The following R3HDM2 variants were observed in gnomAD, a reference collection of about 807,000 sequenced individuals.
The protein encoded by R3HDM2 is R3H domain containing 2.
Under a neutral mutation model 124.5 loss-of-function variants are expected in R3HDM2, and 38 were observed. The ratio of observed to expected loss-of-function variants is 0.31; its 90% confidence interval spans 0.24 to 0.40. The LOEUF is 0.40. R3HDM2 is among the 10% of genes least tolerant of loss of function. The probability of loss-of-function intolerance (pLI) is 1.00; values close to 1 mark genes in which losing one functional copy is unlikely to be tolerated. For missense variants in R3HDM2, 869 were observed against 1,236.9 expected (o/e 0.70, Z 4.46); for synonymous variants, 391 against 448.0 (o/e 0.87, Z 1.61).
At chr12:57,276,897 A>G (rs2044907281) in intron 14 of R3HDM2, among the ~76,000 whole-genome samples, 1 of 151,976 alleles carries the variant, frequency 6.6e-6, no homozygotes, top group Non-Finnish European at 1.5e-5. Context: ...AAAAGAAAAA[A>G]AAAAAGAATG....
chr12:57,272,902 G>T (rs549081391), intron 14 of R3HDM2, among the ~76,000 whole-genome samples: 14 of 152,262 alleles, frequency 9.2e-5, no homozygotes, highest in Non-Finnish European at 1.8e-4. Context: ...TCCAAATACA[G>T]CTTTTCCCAA....
chr12:57,414,080 C>T (rs1317233508), intron 1 of R3HDM2, among the ~76,000 whole-genome samples: 1 of 151,262 alleles, frequency 6.6e-6, no homozygotes, highest in Non-Finnish European at 1.5e-5. Flanking sequence ...AACTCCTGAC[C>T]TCAAATGATC....
intron 18 of R3HDM2, chr12:57,268,078 T>G: frequency 2.7e-6 from 1 of 366,422 alleles, no homozygotes; most frequent in Non-Finnish European, 4.8e-6. Context: ...AAATCATAAA[T>G]TATAAGTCTC....
Position 57,268,657 on chromosome 12 carries a change from T to C in R3HDM2, c.1876-200A>G. On this transcript the variant is annotated intron_variant, in intron 17 of 23. Transcript: ENST00000402412. The stretch of plus-strand genomic sequence containing the variant: ...CTTCTTCAAATACCACCCTTGGGCA[T>C]CTGACATAAAGAAAGGAGCCTGATT... 10 of 705,666 alleles carry C rather than the reference T, an allele frequency of 1.4e-5. No individual in the cohort carries two copies. The South Asian group carries it at 1.8e-4, about 12-fold the overall frequency. 43.7% of individuals were successfully genotyped at this position (705,666 alleles called of 1,614,324 possible).
At chr12:57,352,141 C>T (rs1272276263) in intron 2 of R3HDM2, among the ~76,000 whole-genome samples, 1 of 148,606 alleles carries the variant, frequency 6.7e-6, no homozygotes, top group Non-Finnish European at 1.5e-5. Context: ...GTATGGGAGG[C>T]TGAGGCAGGA....
intron 14 of R3HDM2, among the ~76,000 whole-genome samples, chr12:57,271,712 C>A (rs1353070275): frequency 6.6e-6 from 1 of 152,186 alleles, no homozygotes. Flanking sequence ...AGGGCTCCTA[C>A]AACTATGATG....
chr12:57,346,602 C>A (rs1347774386), intron 2 of R3HDM2, among the ~76,000 whole-genome samples: 1 of 152,072 alleles, frequency 6.6e-6, no homozygotes, highest in African/African-American at 2.4e-5. Flanking sequence ...TAAAGACATT[C>A]TCAGATGAAG....
At chr12:57,303,020 T>C (rs1027993716) in intron 4 of R3HDM2, among the ~76,000 whole-genome samples, 156 bp downstream of exon 4, 2 of 152,244 alleles carry the variant, frequency 1.3e-5, no homozygotes, top group East Asian at 1.9e-4. Context: ...TGTACATGTG[T>C]GTATGCACAC....
intron 2 of R3HDM2, among the ~76,000 whole-genome samples, chr12:57,317,469 G>A (rs1449640976): frequency 6.6e-6 from 1 of 152,046 alleles, no homozygotes; most frequent in Non-Finnish European, 1.5e-5. Flanking sequence ...ACAGATGTGA[G>A]CCACCATGAC....
rs555894623 is a variant in R3HDM2, at chr12:57,373,815, A to AAAAT, written c.-36+21930_-36+21933dup. 6.8e-3 allele frequency among the ~76,000 whole-genome samples: 1,018 copies of AAAAT among 149,862 alleles called. 15 individuals carry two copies. Among genetic ancestry groups the AAAAT allele is most frequent in the African/African-American group, 0.023 (951 of 40,570 alleles). ...GCAACAAGAGCAAAACTCCTTCTCA[A>AAAAT]AAATAAATAAATAAATAAATAATAA... On this transcript the variant is annotated intron_variant, in intron 2 of 23. Transcript: ENST00000402412.
intron 3 of R3HDM2, among the ~76,000 whole-genome samples, chr12:57,308,579 G>A (rs533430091): frequency 2.0e-5 from 3 of 151,830 alleles, no homozygotes; most frequent in South Asian, 4.2e-4. Flanking sequence ...CCAACTACTC[G>A]GGAGGCTGAG....
chr12:57,340,865 A>G (rs1254935824), intron 2 of R3HDM2, among the ~76,000 whole-genome samples: 1 of 151,876 alleles, frequency 6.6e-6, no homozygotes, highest in African/African-American at 2.4e-5. Context: ...ATGGAATTGC[A>G]TGAAAAGCGA....
At chr12:57,262,923 A>G (rs2041245332) in intron 19 of R3HDM2, among the ~76,000 whole-genome samples, 1 of 152,158 alleles carries the variant, frequency 6.6e-6, no homozygotes, top group Admixed American at 6.5e-5. Context: ...AAGGAGATAA[A>G]ACTGAGAAAA....
intron 10 of R3HDM2, 47 bp from the exon 11 acceptor site, chr12:57,292,714 C>T: frequency 8.3e-7 from 1 of 1,211,628 alleles, no homozygotes; most frequent in Non-Finnish European, 1.2e-6. Flanking sequence ...CCTCGTACTG[C>T]AAGCTCACTG....
intron 21 of R3HDM2, among the ~76,000 whole-genome samples, chr12:57,256,875 A>G (rs2039203620): frequency 6.6e-6 from 1 of 151,370 alleles, no homozygotes; most frequent in African/African-American, 2.4e-5. Context: ...CTGGAGTGCA[A>G]TGGCATGATC....
chr12:57,390,691 G>A (rs534843055), intron 2 of R3HDM2, among the ~76,000 whole-genome samples: 22 of 151,478 alleles, frequency 1.5e-4, no homozygotes, highest in Non-Finnish European at 2.4e-4. Flanking sequence ...AGTGAAATCC[G>A]TCTCAAAAAA....
Position 57,283,903 on chromosome 12 carries a change from G to A in R3HDM2, c.1092C>T (p.Phe364=), listed in dbSNP as rs147177326. The part of the protein sequence containing the change: ...MRPPVTKASS[F]SGISILTRGD... ...CTCGGGTAAGGATAGAGATTCCACTGAAGCTGCTAGCTTTGGTGACAGGGG... is the reference window on the plus strand; with the variant it reads ...CTCGGGTAAGGATAGAGATTCCACTAAAGCTGCTAGCTTTGGTGACAGGGG... Residue 364 remains phenylalanine, a synonymous_variant, in exon 13 of 24, where the codon TTC becomes TTT. Coordinates refer to ENST00000402412, the MANE Select transcript of R3HDM2 (RefSeq NM_001394031.1). The A allele has an allele frequency of 3.5e-5, 57 of 1,614,212 alleles. No individual in the cohort carries two copies. The African/African-American group carries it at 6.3e-4, about 18-fold the overall frequency.
intron 1 of R3HDM2, among the ~76,000 whole-genome samples, chr12:57,414,508 A>C (rs1292622402): frequency 2.0e-5 from 3 of 146,658 alleles, no homozygotes; most frequent in East Asian, 2.0e-4. Context: ...AAAAAAAAAA[A>C]AACGAAAAAA....
intron 2 of R3HDM2, among the ~76,000 whole-genome samples, chr12:57,327,392 T>C (rs1205467951): frequency 1.4e-5 from 2 of 145,800 alleles, no homozygotes; most frequent in African/African-American, 5.1e-5. Context: ...ACTTGAACCC[T>C]GGAGGCGGAG....
Sources: gnomAD v4.1 joint callset for allele counts (sites outside exome capture counted in the v4.1 genomes callset) on GRCh38, gnomAD v4.1.1 for gene constraint, MANE v1.5 for transcripts, NCBI Gene and HGNC (gene_info 2026-07-23, HGNC 2026-07-21) for gene names.